The following PPFIA2 variants were observed in gnomAD, a reference collection of about 807,000 sequenced individuals.
PPFIA2 encodes PPFI scaffold protein A2.
PPFIA2 carries 46 observed loss-of-function variants against 175.5 expected under a neutral mutation model. That is an observed-to-expected ratio of 0.26 (90% CI 0.21 to 0.34). The LOEUF is 0.34. Among genes scored for constraint, PPFIA2 ranks in the 10% least tolerant of loss-of-function variants. PPFIA2 has a pLI of 1.00. For missense variants in PPFIA2, 1,179 were observed against 1,506.1 expected, an observed-to-expected ratio of 0.78 and a Z score of 3.60; for synonymous variants, 568 against 511.4, an observed-to-expected ratio of 1.11 and a Z score of -1.49.
chr12:81,374,809 G>A, intron 10 of PPFIA2, 41 bp from the exon 11 acceptor site: 1 of 1,573,676 alleles, frequency 6.4e-7, no homozygotes, highest in Non-Finnish European at 8.7e-7. Context: ...AAGAGTCAGA[G>A]TTTGGATAGC....
chr12:81,372,748 T>A (rs1162529713), intron 11 of PPFIA2, among the ~76,000 whole-genome samples: 1 of 151,468 alleles, frequency 6.6e-6, no homozygotes, highest in Non-Finnish European at 1.5e-5. Context: ...AAAGTATATA[T>A]TTAAAATATG....
Position 81,659,213 on chromosome 12 carries a change from G to A in PPFIA2, c.303+17578C>T, listed in dbSNP as rs1439182974. ...ATCTCACTGGGGATTGTCAGACAGT[G>A]GGTGCAGGACAGTGGTACAGTGCAC... On this transcript the variant is annotated intron_variant, in intron 4 of 32. Coordinates refer to ENST00000549396, the MANE Select transcript of PPFIA2 (RefSeq NM_003625.5). Among the ~76,000 whole-genome samples the A allele has an allele frequency of 3.9e-5, 6 of 152,114 alleles. No homozygotes were observed. In the East Asian group the frequency reaches 1.2e-3, roughly 29 times the overall value.
At chr12:81,445,206 T>TGGGGGG (rs536566949) in intron 6 of PPFIA2, among the ~76,000 whole-genome samples, 2 of 20,652 alleles carry the variant, frequency 9.7e-5, no homozygotes, top group Non-Finnish European at 1.4e-4. Context: ...AAGACCAAGG[T>TGGGGGG]GGGGGGGGGG....
At chr12:81,664,884 G>C (rs1252436164) in intron 4 of PPFIA2, among the ~76,000 whole-genome samples, 3 of 152,038 alleles carry the variant, frequency 2.0e-5, no homozygotes, top group African/African-American at 7.3e-5. Flanking sequence ...AATGTCCTTT[G>C]TAGGGACATG....
intron 4 of PPFIA2, among the ~76,000 whole-genome samples, chr12:81,576,844 T>A (rs543392338): frequency 4.0e-5 from 6 of 151,830 alleles, no homozygotes; most frequent in Admixed American, 6.6e-5. Context: ...TCCCTGTATT[T>A]TTTTTGGAGG....
chr12:81,643,560 G>T (rs1260243446), intron 4 of PPFIA2, among the ~76,000 whole-genome samples: 1 of 151,866 alleles, frequency 6.6e-6, no homozygotes, highest in African/African-American at 2.4e-5. Flanking sequence ...CAATCCTGGT[G>T]GGCAGGATTA....
chr12:81,707,978 C>T (rs1334061569), intron 3 of PPFIA2, among the ~76,000 whole-genome samples: 1 of 138,434 alleles, frequency 7.2e-6, no homozygotes, highest in Non-Finnish European at 1.5e-5. Flanking sequence ...ACAATGACAA[C>T]ACATGGACGC....
intron 4 of PPFIA2, among the ~76,000 whole-genome samples, chr12:81,499,407 G>A (rs10778814): frequency 0.52 from 79,041 of 151,766 alleles, 20,909 homozygotes; most frequent in African/African-American, 0.6. Context: ...AGGGGGCCAT[G>A]GTTAGAAGCA....
intron 7 of PPFIA2, among the ~76,000 whole-genome samples, chr12:81,418,972 T>C (rs2045801203): frequency 6.6e-6 from 1 of 151,916 alleles, no homozygotes; most frequent in South Asian, 2.1e-4. Flanking sequence ...AAAAAAACAG[T>C]TTAAAATTGA....
chr12:81,501,257 A>T (rs2147402177), intron 4 of PPFIA2, among the ~76,000 whole-genome samples: 1 of 152,268 alleles, frequency 6.6e-6, no homozygotes, highest in South Asian at 2.1e-4. Flanking sequence ...GGGCCTTTGC[A>T]CTTGATATTC....
rs1555315997 is a variant in PPFIA2, at chr12:81,363,278, T to TTAATTA, written c.1546-495_1546-494insTAATTA. Among the ~76,000 whole-genome samples, 157 of 151,266 alleles carry TTAATTA rather than the reference T, an allele frequency of 1.0e-3. 1 individual carries two copies. In the East Asian group the frequency reaches 0.022, roughly 21 times the overall value. On this transcript the variant is annotated intron_variant, in intron 14 of 32. Transcript: ENST00000549396. ...ACAATTGGAGGATTTTTTTAAAAAA[T>TTAATTA]ATTAATTAATTAATTAATTTATTTA...
At chr12:81,496,583 A>T (rs181259289) in intron 4 of PPFIA2, among the ~76,000 whole-genome samples, 1 of 152,244 alleles carries the variant, frequency 6.6e-6, no homozygotes, top group East Asian at 1.9e-4. Flanking sequence ...GATGAGGTAA[A>T]TGTGGCAAAA....
intron 24 of PPFIA2, among the ~76,000 whole-genome samples, chr12:81,290,271 C>T (rs1300686510): frequency 6.9e-6 from 1 of 145,760 alleles, no homozygotes; most frequent in Non-Finnish European, 1.5e-5. Flanking sequence ...AAAAAAAAAT[C>T]TGCCTTTGTG....
At chr12:81,377,526 C>A (rs1233363722) in intron 9 of PPFIA2, among the ~76,000 whole-genome samples, 1 of 151,484 alleles carries the variant, frequency 6.6e-6, no homozygotes, top group Non-Finnish European at 1.5e-5. Context: ...GCACTCCAGC[C>A]TGGGCCACAG....
At chr12:81,425,318 A>T (rs2046955464) in intron 7 of PPFIA2, among the ~76,000 whole-genome samples, 1 of 152,010 alleles carries the variant, frequency 6.6e-6, no homozygotes, top group African/African-American at 2.4e-5. Context: ...TGCCTTTCCC[A>T]AACTTGCTAG....
At chr12:81,484,307 A>T (rs1286309600) in intron 4 of PPFIA2, among the ~76,000 whole-genome samples, 3 of 152,022 alleles carry the variant, frequency 2.0e-5, no homozygotes, top group Admixed American at 6.6e-5. Flanking sequence ...TTTTAACCAC[A>T]GTGATGCTGA....
At chr12:81,272,701 T>C (rs1178048197) in intron 28 of PPFIA2, among the ~76,000 whole-genome samples, 3 of 152,182 alleles carry the variant, frequency 2.0e-5, no homozygotes, top group Non-Finnish European at 1.5e-5. Flanking sequence ...ATTTTTCTTT[T>C]ATTGGCTCTC....
intron 2 of PPFIA2, 28 bp downstream of exon 2, chr12:81,758,372 C>T: frequency 2.2e-6 from 1 of 456,350 alleles, no homozygotes; most frequent in Non-Finnish European, 4.4e-6. Context: ...CGAAAGGAGA[C>T]AGTAAAACTC....
chr12:81,377,002 T>G (rs2036523010), intron 9 of PPFIA2, among the ~76,000 whole-genome samples: 1 of 151,876 alleles, frequency 6.6e-6, no homozygotes, highest in Non-Finnish European at 1.5e-5. Context: ...ATAGGTTGAA[T>G]AAAAAGTAAA....
Sources: gnomAD v4.1 joint callset for allele counts (sites outside exome capture counted in the v4.1 genomes callset) on GRCh38, gnomAD v4.1.1 for gene constraint, MANE v1.5 for transcripts, NCBI Gene and HGNC (gene_info 2026-07-23, HGNC 2026-07-21) for gene names.